The following GPC6 variants were observed in gnomAD, a reference collection of about 807,000 sequenced individuals.
GPC6 encodes the protein glypican 6.
Under a neutral mutation model 55.2 loss-of-function variants are expected in GPC6, and 14 were observed. The observed-to-expected ratio is 0.25, with a 90% CI of 0.17 to 0.40. The LOEUF is 0.40. GPC6 is among the 10% of genes least tolerant of loss of function. The probability of loss-of-function intolerance (pLI) is 1.00; values close to 1 mark genes in which losing one functional copy is unlikely to be tolerated. For missense variants in GPC6, 641 were observed against 708.5 expected, an observed-to-expected ratio of 0.90 and a Z score of 1.08; for synonymous variants, 278 against 259.6, an observed-to-expected ratio of 1.07 and a Z score of -0.68.
chr13:93,685,625 T>G (rs1435779304), intron 2 of GPC6, among the ~76,000 whole-genome samples: 2 of 152,118 alleles, frequency 1.3e-5, no homozygotes. Context: ...TGGGTGGTCT[T>G]ATGCCACTTA....
At chr13:93,707,667 T>C (rs982771376) in intron 2 of GPC6, among the ~76,000 whole-genome samples, 3 of 151,782 alleles carry the variant, frequency 2.0e-5, no homozygotes, top group African/African-American at 7.2e-5. Flanking sequence ...GAAAGAAAGA[T>C]AGCTAGCATC....
chr13:94,028,002 C>T, intron 4 of GPC6, 108 bp downstream of exon 4: 1 of 1,022,616 alleles, frequency 9.8e-7, no homozygotes, highest in Non-Finnish European at 1.5e-6. Context: ...CAGTGGTTCA[C>T]ATCTGTAATC....
At chr13:94,349,700 C>T (rs1231822400) in intron 6 of GPC6, among the ~76,000 whole-genome samples, 1 of 152,170 alleles carries the variant, frequency 6.6e-6, no homozygotes, top group African/African-American at 2.4e-5. Flanking sequence ...CTCCAACTGT[C>T]AAAATGCAAC....
intron 1 of GPC6, among the ~76,000 whole-genome samples, chr13:93,344,872 C>G (rs920374898): frequency 1.3e-5 from 2 of 152,074 alleles, no homozygotes; most frequent in African/African-American, 4.8e-5. Flanking sequence ...AGCCTATTTT[C>G]TAGGGAATTT....
chr13:94,066,885 A>G (rs1884535249), intron 4 of GPC6, among the ~76,000 whole-genome samples: 2 of 152,196 alleles, frequency 1.3e-5, no homozygotes, highest in African/African-American at 4.8e-5. Context: ...CCTGAGAGAG[A>G]TGCTTGATAC....
At chr13:93,461,817 A>G (rs1490421063) in intron 1 of GPC6, among the ~76,000 whole-genome samples, 1 of 152,126 alleles carries the variant, frequency 6.6e-6, no homozygotes, top group Non-Finnish European at 1.5e-5. Context: ...ACCTCATATC[A>G]TGCCTTTTTA....
chr13:94,089,842 G>A (rs1324325915), intron 4 of GPC6, among the ~76,000 whole-genome samples: 1 of 151,930 alleles, frequency 6.6e-6, no homozygotes, highest in Non-Finnish European at 1.5e-5. Flanking sequence ...ATAAATTTTA[G>A]CAAGCAGGCA....
intron 2 of GPC6, among the ~76,000 whole-genome samples, chr13:93,742,373 TG>T (rs1194773057): frequency 6.6e-6 from 1 of 152,234 alleles, no homozygotes; most frequent in African/African-American, 2.4e-5. Flanking sequence ...ATAGAGAGTT[TG>T]AAGAAGTTGG....
chr13:94,007,726 A>C (rs1347216762), intron 3 of GPC6, among the ~76,000 whole-genome samples: 3 of 152,156 alleles, frequency 2.0e-5, no homozygotes, highest in Non-Finnish European at 2.9e-5. Context: ...TCTGTTTGAG[A>C]AGCTGGACTT....
rs1555290870 is a variant in GPC6 at position 93,324,591 on chromosome 13, T to TATATATATACACACATACATAC, written c.160+96984_160+96985insCACACATACATACATATATATA. Among the ~76,000 whole-genome samples the TATATATATACACACATACATAC allele has an allele frequency of 7.3e-3, 864 of 118,810 alleles. 17 individuals are homozygous for TATATATATACACACATACATAC. Among genetic ancestry groups the TATATATATACACACATACATAC allele is most frequent in the African/African-American group, 0.029 (782 of 27,268 alleles). 77.9% of individuals were successfully genotyped at this position (118,810 alleles called of 152,430 possible). On this transcript the variant is annotated intron_variant, in intron 1 of 8. Transcript: ENST00000377047. ...ATATATACACACACATACATACATA[T>TATATATATACACACATACATAC]ATATATATATATATATATATAAAAT...
chr13:93,657,034 A>T (rs1250581526), intron 2 of GPC6, among the ~76,000 whole-genome samples: 1 of 152,124 alleles, frequency 6.6e-6, no homozygotes, highest in Admixed American at 6.5e-5. Context: ...GCCCAAAGCA[A>T]TGTACAGATT....
intron 4 of GPC6, among the ~76,000 whole-genome samples, chr13:94,140,388 CA>C (rs1309125529): frequency 6.6e-6 from 1 of 152,170 alleles, no homozygotes; most frequent in Non-Finnish European, 1.5e-5. Flanking sequence ...ACCAAAGTTG[CA>C]TATGCCATGT....
intron 1 of GPC6, among the ~76,000 whole-genome samples, chr13:93,254,362 G>A (rs771149079): frequency 7.9e-5 from 12 of 152,136 alleles, no homozygotes; most frequent in Non-Finnish European, 1.8e-4. Flanking sequence ...TCCATAGATA[G>A]TACAGCTACC....
intron 1 of GPC6, among the ~76,000 whole-genome samples, chr13:93,524,412 A>G (rs1881567882): frequency 6.6e-6 from 1 of 152,030 alleles, no homozygotes; most frequent in Non-Finnish European, 1.5e-5. Flanking sequence ...GCCATAGAGC[A>G]TAACTTGAGG....
chr13:93,686,172 A>G (rs1317875704), intron 2 of GPC6, among the ~76,000 whole-genome samples: 15 of 152,128 alleles, frequency 9.9e-5, no homozygotes, highest in Non-Finnish European at 1.5e-5. Flanking sequence ...TGTTTATATC[A>G]CATCACTTTA....
chr13:94,360,140 A>G (rs1878989289), intron 6 of GPC6, among the ~76,000 whole-genome samples: 1 of 152,218 alleles, frequency 6.6e-6, no homozygotes, highest in Admixed American at 6.5e-5. Context: ...TTTATGAATA[A>G]AAAATCCAGA....
intron 1 of GPC6, among the ~76,000 whole-genome samples, chr13:93,318,510 T>A (rs940503220): frequency 2.6e-5 from 4 of 152,026 alleles, no homozygotes; most frequent in African/African-American, 9.7e-5. Context: ...TATACCCTCC[T>A]GAATATCTCA....
intron 2 of GPC6, among the ~76,000 whole-genome samples, chr13:93,715,690 G>A (rs1244702905): frequency 6.6e-6 from 1 of 151,610 alleles, no homozygotes; most frequent in Non-Finnish European, 1.5e-5. Flanking sequence ...TTAATTGTAA[G>A]CTATGCGATT....
intron 3 of GPC6, among the ~76,000 whole-genome samples, chr13:93,907,694 C>T (rs1278644683): frequency 6.6e-6 from 1 of 152,162 alleles, no homozygotes; most frequent in East Asian, 1.9e-4. Context: ...CAAGTCAGAT[C>T]TCTGAAGCTG....
Sources: gnomAD v4.1 joint callset for allele counts (sites outside exome capture counted in the v4.1 genomes callset) on GRCh38, gnomAD v4.1.1 for gene constraint, MANE v1.5 for transcripts, NCBI Gene and HGNC (gene_info 2026-07-23, HGNC 2026-07-21) for gene names.